Variants in FHIT observed in about 807,000 individuals in gnomAD.
FHIT encodes the protein fragile histidine triad diadenosine triphosphatase, also known as bis(5'-adenosyl)-triphosphatase.
A neutral mutation model predicts 17.9 loss-of-function variants in FHIT; 19 were observed. The observed-to-expected ratio is 1.06, with a 90% CI of 0.74 to 1.56. The LOEUF (loss-of-function observed/expected upper bound fraction) is 1.56. FHIT is among the 40% of genes most tolerant of loss of function. FHIT has a pLI of 0.00. For synonymous variants in FHIT, 81 were observed against 69.7 expected, an observed-to-expected ratio of 1.16 and a Z score of -0.81; for missense variants, 248 against 189.2, an observed-to-expected ratio of 1.31 and a Z score of -1.82.
At chr3:60,717,031 A>G (rs1031209788) in intron 4 of FHIT, among the ~76,000 whole-genome samples, 1 of 152,220 alleles carries the variant, frequency 6.6e-6, no homozygotes, top group Non-Finnish European at 1.5e-5. Context: ...GCTAAGTTAA[A>G]TAAGCCAAAC....
In FHIT at chr3:60,590,379, A is replaced by T. The variant is rs1224503667; in HGVS notation, c.-17-53400T>A. Among the ~76,000 whole-genome samples the T allele has an allele frequency of 3.9e-5, 6 of 151,958 alleles. No individual in the cohort carries two copies. In the East Asian group the frequency reaches 1.2e-3, roughly 29 times the overall value. On this transcript the variant is annotated intron_variant, in intron 4 of 9. Coordinates refer to ENST00000492590, the MANE Select transcript of FHIT (RefSeq NM_002012.4). The stretch of plus-strand genomic sequence containing the variant: ...AAACTAGAACCCCTCCTTGCCCACC[A>T]CTTTTACACTCCACCCCCAGAGAAT...
intron 2 of FHIT, among the ~76,000 whole-genome samples, chr3:61,117,865 T>C (rs1262173411): frequency 6.6e-6 from 1 of 152,196 alleles, no homozygotes; most frequent in South Asian, 2.1e-4. Flanking sequence ...GTCTGGCCCA[T>C]AGTGAGAAGA....
At chr3:60,242,318 G>A (rs1343326625) in intron 5 of FHIT, among the ~76,000 whole-genome samples, 1 of 151,830 alleles carries the variant, frequency 6.6e-6, no homozygotes, top group Non-Finnish European at 1.5e-5. Context: ...TTTCATGTTG[G>A]CTTCAAACTC....
chr3:60,763,441 G>A (rs1160512122), intron 4 of FHIT, among the ~76,000 whole-genome samples: 1 of 152,150 alleles, frequency 6.6e-6, no homozygotes, highest in Admixed American at 6.5e-5. Context: ...CATTTATTGA[G>A]TTATTATATA....
intron 4 of FHIT, among the ~76,000 whole-genome samples, chr3:60,640,135 G>T (rs1264023471): frequency 6.6e-6 from 1 of 152,198 alleles, no homozygotes; most frequent in African/African-American, 2.4e-5. Context: ...GGGAGTGACA[G>T]AAGGAAATGT....
chr3:60,077,740 G>GAGACAGA (rs749903107), intron 5 of FHIT, among the ~76,000 whole-genome samples: 1,782 of 46,950 alleles, frequency 0.038, 42 homozygotes, highest in African/African-American at 0.096. Flanking sequence ...ATATATAGAG[G>GAGACAGA]GGGGGGGGAG....
intron 4 of FHIT, among the ~76,000 whole-genome samples, chr3:60,764,009 C>A (rs782147097): frequency 1.3e-5 from 2 of 152,124 alleles, no homozygotes; most frequent in Non-Finnish European, 2.9e-5. Flanking sequence ...ATTATTAACT[C>A]CATTTCACAG....
At chr3:59,768,597 C>A (rs921095899) in intron 8 of FHIT, among the ~76,000 whole-genome samples, 1 of 152,172 alleles carries the variant, frequency 6.6e-6, no homozygotes, top group Non-Finnish European at 1.5e-5. Flanking sequence ...TCACAATAGC[C>A]AATCTTTTCT....
At chr3:60,181,047 C>T (rs1701908201) in intron 5 of FHIT, among the ~76,000 whole-genome samples, 1 of 151,956 alleles carries the variant, frequency 6.6e-6, no homozygotes, top group African/African-American at 2.4e-5. Context: ...ATTGATGGTA[C>T]CATTTACCAA....
At chr3:60,633,624 G>A (rs1381102006) in intron 4 of FHIT, among the ~76,000 whole-genome samples, 5 of 152,126 alleles carry the variant, frequency 3.3e-5, no homozygotes, top group South Asian at 2.1e-4. Flanking sequence ...GCTATTCCGC[G>A]ATGACTGTGT....
chr3:59,932,912 T>C (rs892817245), intron 7 of FHIT, among the ~76,000 whole-genome samples: 1 of 152,172 alleles, frequency 6.6e-6, no homozygotes, highest in Non-Finnish European at 1.5e-5. Flanking sequence ...TTTTGCTCCT[T>C]GGGCTTCCTC....
intron 5 of FHIT, among the ~76,000 whole-genome samples, chr3:60,138,468 T>C (rs926229743): frequency 9.9e-5 from 15 of 152,174 alleles, no homozygotes; most frequent in African/African-American, 2.7e-4. Flanking sequence ...AATTTTCTCA[T>C]TGAATGGACA....
intron 5 of FHIT, among the ~76,000 whole-genome samples, chr3:60,235,273 C>T (rs1251518994): frequency 3.2e-4 from 49 of 150,970 alleles, no homozygotes; most frequent in African/African-American, 1.1e-3. Flanking sequence ...CTCTCTCACC[C>T]AGGCTCGAGT....
chr3:60,424,328 GT>G, intron 5 of FHIT, among the ~76,000 whole-genome samples: 1 of 152,234 alleles, frequency 6.6e-6, no homozygotes, highest in South Asian at 2.1e-4. Context: ...CGGAGAACAT[GT>G]TTTGAGATTA....
intron 4 of FHIT, among the ~76,000 whole-genome samples, chr3:60,646,689 AAAAG>A (rs1553686815): frequency 6.6e-6 from 1 of 152,152 alleles, no homozygotes; most frequent in Non-Finnish European, 1.5e-5. Context: ...TTTTGAAAGA[AAAAG>A]AACCACCAAT....
chr3:60,201,479 G>A (rs1702902955), intron 5 of FHIT, among the ~76,000 whole-genome samples: 1 of 152,006 alleles, frequency 6.6e-6, no homozygotes, highest in African/African-American at 2.4e-5. Context: ...TTCAGAGGAA[G>A]AGAGATGCTA....
intron 5 of FHIT, among the ~76,000 whole-genome samples, chr3:60,119,534 T>C (rs1471688967): frequency 6.6e-6 from 1 of 152,202 alleles, no homozygotes; most frequent in African/African-American, 2.4e-5. Context: ...CCAGGATATA[T>C]GGGAGGGGTA....
At chr3:61,090,926 T>C (rs959975299) in intron 2 of FHIT, among the ~76,000 whole-genome samples, 2 of 152,210 alleles carry the variant, frequency 1.3e-5, no homozygotes, top group African/African-American at 4.8e-5. Flanking sequence ...TTCTGCTGTT[T>C]ATGCTTTCTC....
At chr3:59,947,005 A>T (rs1706842230) in intron 7 of FHIT, among the ~76,000 whole-genome samples, 1 of 152,176 alleles carries the variant, frequency 6.6e-6, no homozygotes, top group African/African-American at 2.4e-5. Flanking sequence ...AGATTTTGGT[A>T]TCAGAAAAAT....
Sources: gnomAD v4.1 joint callset for allele counts (sites outside exome capture counted in the v4.1 genomes callset) on GRCh38, gnomAD v4.1.1 for gene constraint, MANE v1.5 for transcripts, NCBI Gene and HGNC (gene_info 2026-07-23, HGNC 2026-07-21) for gene names.